The following ITGA7 variants were observed in gnomAD, a reference collection of about 807,000 sequenced individuals.
ITGA7 encodes integrin subunit alpha 7.
Under a neutral mutation model 131.6 loss-of-function variants are expected in ITGA7, and 84 were observed. The observed-to-expected ratio is 0.64, with a 90% CI of 0.54 to 0.77. The LOEUF is 0.77. ITGA7 is among the 30% of genes least tolerant of loss of function. The pLI, the probability that ITGA7 is intolerant of heterozygous loss-of-function variation, is 0.00. For missense variants in ITGA7, 1,399 were observed against 1,482.9 expected (o/e 0.94, Z 0.93); for synonymous variants, 548 against 600.7 (o/e 0.91, Z 1.28).
At chr12:55,714,853 A>C, upstream of ITGA7, among the ~76,000 whole-genome samples, 1 of 146,510 alleles carries the variant, frequency 6.8e-6, no homozygotes, top group Non-Finnish European at 1.5e-5. Context: ...TTAGTCTGGA[A>C]TCAAGGCTTT....
chr12:55,697,710 G>T lies in ITGA7; in HGVS notation c.1394C>A (p.Thr465Asn). Reference protein sequence around the residue: ...PDLLVGSLADTAVLFRARPIL... With the variant: ...PDLLVGSLADNAVLFRARPIL... ...AGGGGCTCACCTGAAGAGCACTGCG[G>T]TGTCAGCCAGGGAGCCCACCAGCAG... is the stretch of plus-strand genomic sequence containing the variant. The change falls in exon 9 of 25, where the codon ACC (threonine) becomes AAC (asparagine). Residue 465 changes from threonine to asparagine, a missense_variant. Physicochemically the swap from Thr to Asn is moderately conservative, Grantham distance 65 (BLOSUM62 0). Transcript: ENST00000257879. 1.2e-6 allele frequency: 2 copies of T among 1,614,174 alleles called. No individual in the cohort carries two copies. Among genetic ancestry groups the T allele is most frequent in the Non-Finnish European group, 1.7e-6 (2 of 1,180,018 alleles).
chr12:55,710,867 T>C (rs1293408612), upstream of ITGA7, among the ~76,000 whole-genome samples: 4 of 149,478 alleles, frequency 2.7e-5, no homozygotes, highest in African/African-American at 9.9e-5. Flanking sequence ...GGGACAAGGA[T>C]GGAGGGGGGT....
Position 55,697,773 on chromosome 12 carries a change from G to A in ITGA7, c.1331C>T (p.Ser444Leu), listed in dbSNP as rs1330374670. The change falls in exon 9 of 25, where the codon TCA becomes TTA. Residue 444 changes from serine to leucine, a missense_variant. Physicochemically the swap from Ser to Leu is moderately radical, Grantham distance 145. Transcript: ENST00000257879. ...GTTCCCATCCATATCCAAGCTGCCT[G>A]ACAGGGAGTAGCCGAAGCTCTTGAT... Reference protein sequence around the residue: ...VGIKSFGYSLSGSLDMDGNQY... With the variant: ...VGIKSFGYSLLGSLDMDGNQY... 6.2e-7 allele frequency: 1 copy of A among 1,614,010 alleles called. No individual in the cohort carries two copies. The highest frequency in any genetic ancestry group is 8.5e-7 in the Non-Finnish European group (1 of 1,180,020).
intron 5 of ITGA7, 38 bp downstream of exon 5, chr12:55,699,832 C>T: frequency 1.3e-6 from 2 of 1,580,022 alleles, no homozygotes. Context: ...GGAGGCTGGG[C>T]CATGCCCCTA....
rs1326871053 is a variant in ITGA7 at position 55,699,946 on chromosome 12, C to T, written c.714G>A (p.Gln238=). 1 of 1,614,138 alleles carries T rather than the reference C, an allele frequency of 6.2e-7. No homozygotes were observed. Among genetic ancestry groups the T allele is most frequent in the Admixed American group, 1.7e-5 (1 of 60,018 alleles). The part of the protein sequence containing the change: ...VTNIDSSDPD[Q]LVYKTLDPAD... ...CAGGGTCCAAAGTTTTATACACCAGCTGGTCGGGGTCTGAGCTATCAATGT... is the reference window on the plus strand; with the variant it reads ...CAGGGTCCAAAGTTTTATACACCAGTTGGTCGGGGTCTGAGCTATCAATGT... The change falls in exon 5 of 25, where the codon CAG becomes CAA. Residue 238 remains glutamine, a synonymous_variant. Coordinates refer to ENST00000257879, the MANE Select transcript of ITGA7 (RefSeq NM_002206.3).
chr12:55,694,880 T>C lies in ITGA7; in HGVS notation c.2094A>G (p.Pro698=), dbSNP rs1224102431. 3 of 1,614,098 alleles carry C rather than the reference T, an allele frequency of 1.9e-6. No individual in the cohort carries two copies. The South Asian group carries it at 3.3e-5, about 18-fold the overall frequency. ...CATCCCCATCAGCCTGGGGCTGGGC[T>C]GGGTCCGATGGCAGGTTGGTGACCA... ...ELMVTNLPSD[P]AQPQADGDDA... is the part of the protein sequence containing the mutation. The change falls in exon 15 of 25, where the codon CCA becomes CCG. Residue 698 remains proline, a synonymous_variant. Coordinates refer to ENST00000257879, the MANE Select transcript of ITGA7 (RefSeq NM_002206.3). The surrounding 1 kb of genome is among the most constrained non-coding windows in gnomAD (Gnocchi z 5.3).
chr12:55,697,305 C>CA, intron 10 of ITGA7, 28 bp from the exon 11 acceptor site: 3 of 1,587,442 alleles, frequency 1.9e-6, no homozygotes, highest in Non-Finnish European at 2.6e-6. Context: ...GCTCCTGAGC[C>CA]AAACGAGGCT....
At position 55,692,921 on chromosome 12, in the gene ITGA7, C is replaced by T. The variant is rs199734361; in HGVS notation, c.2767G>A (p.Glu923Lys). Residue 923 changes from glutamate to lysine, a missense_variant, in exon 21 of 25, where the codon GAG (glutamate) becomes AAG (lysine). Transcript: ENST00000257879. Reference protein sequence around the residue: ...RRELEPPEQQEPGERQEPSMS... With the variant: ...RRELEPPEQQKPGERQEPSMS... The stretch of plus-strand genomic sequence containing the variant: ...CTGGGCTCCTGCCGCTCACCAGGCT[C>T]CTGCTGCTCAGGTGGCTCCAGCTCC... 1.9e-6 allele frequency: 3 copies of T among 1,614,110 alleles called. No individual in the cohort carries two copies. The highest frequency in any genetic ancestry group is 2.7e-5 in the African/African-American group (2 of 75,030).
At chr12:55,703,740 C>T (rs1874588241) in intron 1 of ITGA7, among the ~76,000 whole-genome samples, 1 of 152,166 alleles carries the variant, frequency 6.6e-6, no homozygotes, top group Non-Finnish European at 1.5e-5. Flanking sequence ...AAAGACCCCA[C>T]CTCCCAGAAG....
chr12:55,698,553 G>A lies in ITGA7; in HGVS notation c.1022C>T (p.Ala341Val). ...SDGWPDLIVG[A>V]PYFFERQEEL... is the part of the protein sequence containing the mutation. ...TTCTTGGCGCTCAAAGAAGTAGGGGGCACCCACTATCAGGTCTGGCCAGCT... is the reference window on the plus strand; with the variant it reads ...TTCTTGGCGCTCAAAGAAGTAGGGGACACCCACTATCAGGTCTGGCCAGCT... The change falls in exon 7 of 25, where the codon GCC (alanine) becomes GTC (valine). Residue 341 changes from alanine (A) to valine (V), a missense_variant. Transcript: ENST00000257879. 5.6e-6 allele frequency: 9 copies of A among 1,614,126 alleles called. No homozygotes were observed. The highest frequency in any genetic ancestry group is 7.6e-6 in the Non-Finnish European group (9 of 1,180,012).
Position 55,707,822 on chromosome 12 carries a change from C to CCCGG in ITGA7, c.-141_-140insCCGG. 2 of 1,411,488 alleles carry CCCGG rather than the reference C, an allele frequency of 1.4e-6. No homozygotes were observed. The highest frequency in any genetic ancestry group is 1.9e-6 in the Non-Finnish European group (2 of 1,057,378). The allele number at this position is 1,411,488 out of a possible 1,614,324, so 87.4% of individuals were successfully genotyped here. Reference sequence around the variant, plus strand: ...TCTCCCAGACGTTCGCCCCGCCAGCCCTCCCGCCCGCCCGCCGCTCCGCCA... The same window carrying CCCGG: ...TCTCCCAGACGTTCGCCCCGCCAGCCCCGGCTCCCGCCCGCCCGCCGCTCCGCCA... On this transcript the variant is annotated 5_prime_UTR_variant, in exon 1 of 25. Transcript: ENST00000257879.
At chr12:55,687,603 G>T (rs975815146) in intron 24 of ITGA7, among the ~76,000 whole-genome samples, 18 of 147,324 alleles carry the variant, frequency 1.2e-4, no homozygotes, top group African/African-American at 3.8e-4. Context: ...CGATTCTCCT[G>T]CCTCAGCCTC....
At position 55,689,863 on chromosome 12, in the gene ITGA7, C is replaced by T. The variant is rs146973390; in HGVS notation, c.2845-906G>A. ...CTTTGACAAACCTGAGAAAAACAAC[C>T]AGTGGGGAAAGGATTCCCTATTTAA... On this transcript the variant is annotated intron_variant, in intron 21 of 24. Transcript: ENST00000257879. 5.9e-3 allele frequency among the ~76,000 whole-genome samples: 897 copies of T among 152,168 alleles called. 10 individuals are homozygous for T. The highest frequency in any genetic ancestry group is 0.021 in the African/African-American group (862 of 41,492).
At chr12:55,714,616 G>A (rs1423197825), upstream of ITGA7, among the ~76,000 whole-genome samples, 2 of 151,396 alleles carry the variant, frequency 1.3e-5, no homozygotes, top group African/African-American at 4.9e-5. Context: ...AACCTGGGAG[G>A]TGGAGGTTGC....
chr12:55,697,928 C>T lies in ITGA7; in HGVS notation c.1281+10G>A. 1 of 1,614,154 alleles carries T rather than the reference C, an allele frequency of 6.2e-7. No homozygotes were observed. Among genetic ancestry groups the T allele is most frequent in the Non-Finnish European group, 8.5e-7 (1 of 1,180,012 alleles). On this transcript the variant is annotated intron_variant, in intron 8 of 24. Transcript: ENST00000257879. ...CACACCCATTCCCTCATCCCAGCGA[C>T]TCCCCTCACCTGTGAAGGTTTGGCG... is the stretch of plus-strand genomic sequence containing the variant.
chr12:55,689,890 A>G (rs1016837220), intron 21 of ITGA7, among the ~76,000 whole-genome samples: 1 of 152,184 alleles, frequency 6.6e-6, no homozygotes, highest in African/African-American at 2.4e-5. Context: ...CCTATTTAAT[A>G]AATGGTGCTG....
chr12:55,702,908 G>C lies in ITGA7; in HGVS notation c.378C>G (p.Val126=). 1 of 1,613,152 alleles carries C rather than the reference G, an allele frequency of 6.2e-7. No homozygotes were observed. Among genetic ancestry groups the C allele is most frequent in the Non-Finnish European group, 8.5e-7 (1 of 1,179,988 alleles). ...KESKENQWLG[V]SVRSQGPGGK... ...CCCCAGGCCCCTGGCTCCGAACACT[G>C]ACTCCCAACCACTGGTTCTCCTTGC... is the stretch of plus-strand genomic sequence containing the variant. The change falls in exon 3 of 25, where the codon GTC becomes GTG. Residue 126 remains valine (V), a synonymous_variant. Transcript: ENST00000257879.
At position 55,699,969 on chromosome 12, in the gene ITGA7, T is replaced by C. The variant is rs1036398213; in HGVS notation, c.691A>G (p.Ile231Val). Residue 231 changes from isoleucine to valine, a missense_variant, in exon 5 of 25, where the codon ATT becomes GTT. Ile to Val is a conservative substitution (Grantham distance 29). Coordinates refer to ENST00000257879, the MANE Select transcript of ITGA7 (RefSeq NM_002206.3). ...AGCTGGTCGGGGTCTGAGCTATCAA[T>C]GTTGGTCACAAAAAGCAACCCTGTG... ...NWKGLLFVTNIDSSDPDQLVY... is the reference protein window; with the variant it reads ...NWKGLLFVTNVDSSDPDQLVY... 3.1e-6 allele frequency: 5 copies of C among 1,613,906 alleles called. No individual in the cohort carries two copies. In the East Asian group the frequency reaches 8.9e-5, roughly 29 times the overall value.
At chr12:55,716,384 C>T (rs1170992133), upstream of ITGA7, 1 of 1,424,466 alleles carries the variant, frequency 7.0e-7, no homozygotes, top group African/African-American at 1.5e-5. Flanking sequence ...GCTCCGGTCC[C>T]TTGGGCAATA....
Sources: allele counts gnomAD v4.1 joint callset (sites outside exome capture counted in the v4.1 genomes callset), GRCh38; gene constraint gnomAD v4.1.1; non-coding constraint Gnocchi (gnomAD v3.1); transcripts MANE v1.5; gene names NCBI Gene and HGNC (gene_info 2026-07-23, HGNC 2026-07-21).